KLF12: variants seen among roughly 807,000 people sequenced by gnomAD.
KLF12 encodes KLF transcription factor 12, also known as Krueppel-like factor 12.
A neutral mutation model predicts 37.8 loss-of-function variants in KLF12; 9 were observed. The observed-to-expected ratio is 0.24, with a 90% CI of 0.14 to 0.42. The LOEUF is 0.42. Among genes scored for constraint, KLF12 ranks in the 10% least tolerant of loss-of-function variants. KLF12 has a pLI of 1.00. For synonymous variants in KLF12, 208 were observed against 202.1 expected, an observed-to-expected ratio of 1.03 and a Z score of -0.25; for missense variants, 411 against 516.0, an observed-to-expected ratio of 0.80 and a Z score of 1.97.
rs900613860 is a variant in KLF12 at position 73,688,845 on chromosome 13, G to A, written c.*6645C>T. The A allele has an allele frequency of 1.3e-5, 2 of 152,230 alleles. No individual in the cohort carries two copies. Among genetic ancestry groups the A allele is most frequent in the South Asian group, 4.2e-4 (2 of 4,816 alleles). The allele number at this position is 152,230 out of a possible 1,614,324, so 9.4% of individuals were successfully genotyped here. On this transcript the variant is annotated 3_prime_UTR_variant, in exon 8 of 8. Coordinates refer to ENST00000377669, the MANE Select transcript of KLF12 (RefSeq NM_007249.5). The stretch of plus-strand genomic sequence containing the variant: ...GGGAAGGTGGTTTCGGGACACCCAC[G>A]TGCAGTGTGGTGGAGTGGGAAAGAT...
chr13:74,090,622 G>GA (rs1875595446), intron 1 of KLF12, among the ~76,000 whole-genome samples: 2 of 152,080 alleles, frequency 1.3e-5, no homozygotes, highest in Admixed American at 6.5e-5. Context: ...AATTTTCCAT[G>GA]TGCTTAGTTG....
chr13:74,096,190 A>G (rs182475948), intron 1 of KLF12, among the ~76,000 whole-genome samples: 230 of 152,316 alleles, frequency 1.5e-3, no homozygotes, highest in Non-Finnish European at 2.4e-3. Flanking sequence ...CTGATACTGA[A>G]AAGTACCAAG....
At chr13:74,041,547 G>A (rs1435852646) in intron 1 of KLF12, among the ~76,000 whole-genome samples, 4 of 152,090 alleles carry the variant, frequency 2.6e-5, no homozygotes, top group East Asian at 1.9e-4. Context: ...TAAGTGGGAG[G>A]ATGGGGGCTT....
At chr13:74,180,299 C>T in the KLF12 span, among the ~76,000 whole-genome samples, 5 of 152,294 alleles carry the variant, frequency 3.3e-5, no homozygotes, top group African/African-American at 1.2e-4. Flanking sequence ...CTTGGTCTGA[C>T]AGTTAATCAA....
rs1874016946 is a variant in KLF12 at position 73,694,750 on chromosome 13, C to T, written c.*740G>A. 1 of 152,690 alleles carries T rather than the reference C, an allele frequency of 6.5e-6. No homozygotes were observed. The highest frequency in any genetic ancestry group is 1.5e-5 in the Non-Finnish European group (1 of 68,064). 9.5% of individuals were successfully genotyped at this position (152,690 alleles called of 1,614,324 possible). On this transcript the variant is annotated 3_prime_UTR_variant, in exon 8 of 8. Coordinates refer to ENST00000377669, the MANE Select transcript of KLF12 (RefSeq NM_007249.5). ...AGAACACCTCTGTGCCAGTCCATGCCAGGGCAGAGACCAGGACGAGACTTC... is the reference window on the plus strand; with the variant it reads ...AGAACACCTCTGTGCCAGTCCATGCTAGGGCAGAGACCAGGACGAGACTTC...
upstream of KLF12, among the ~76,000 whole-genome samples, chr13:74,135,005 G>A (rs965411847): frequency 6.6e-6 from 1 of 151,580 alleles, no homozygotes; most frequent in Non-Finnish European, 1.5e-5. Flanking sequence ...CCCGCGCCGG[G>A]CAACAATGGG....
the KLF12 span, among the ~76,000 whole-genome samples, chr13:74,286,997 A>G: frequency 4.8e-4 from 73 of 152,322 alleles, no homozygotes; most frequent in African/African-American, 1.2e-3. Flanking sequence ...TATTTCACAT[A>G]TAGCCTCTCA....
chr13:74,237,814 G>C, the KLF12 span, among the ~76,000 whole-genome samples: 1 of 152,264 alleles, frequency 6.6e-6, no homozygotes, highest in African/African-American at 2.4e-5. Flanking sequence ...TGCTGAAGTT[G>C]CTTATCAGCT....
intron 3 of KLF12, among the ~76,000 whole-genome samples, chr13:73,916,308 T>C (rs1007735605): frequency 6.6e-6 from 1 of 152,086 alleles, no homozygotes; most frequent in African/African-American, 2.4e-5. Context: ...GCTGACACTT[T>C]GAATAGTTAT....
chr13:74,014,362 A>C (rs1892634961), intron 1 of KLF12, among the ~76,000 whole-genome samples: 2 of 152,186 alleles, frequency 1.3e-5, no homozygotes, highest in African/African-American at 2.4e-5. Flanking sequence ...TAAAACATTA[A>C]AACAGCCATT....
the KLF12 span, among the ~76,000 whole-genome samples, chr13:74,214,578 C>A: frequency 3.8e-4 from 58 of 151,884 alleles, no homozygotes; most frequent in Non-Finnish European, 5.1e-4. Context: ...AATGTGAAGG[C>A]GTTGCATTAT....
At chr13:73,781,626 G>A (rs1458247079) in intron 5 of KLF12, among the ~76,000 whole-genome samples, 1 of 152,150 alleles carries the variant, frequency 6.6e-6, no homozygotes, top group Non-Finnish European at 1.5e-5. Context: ...GCTGGGTCTG[G>A]AAATTACCCA....
chr13:73,826,740 A>G (rs1236580405), intron 4 of KLF12, among the ~76,000 whole-genome samples: 1 of 151,260 alleles, frequency 6.6e-6, no homozygotes, highest in East Asian at 1.9e-4. Flanking sequence ...TCTTTTTAAA[A>G]TGGCATATAA....
At chr13:73,821,410 A>G (rs910901334) in intron 4 of KLF12, among the ~76,000 whole-genome samples, 1 of 152,156 alleles carries the variant, frequency 6.6e-6, no homozygotes, top group East Asian at 1.9e-4. Context: ...CACAAGTCCT[A>G]TTCTTTCTCC....
chr13:74,004,272 C>T (rs1006739989), intron 1 of KLF12, among the ~76,000 whole-genome samples: 4 of 152,118 alleles, frequency 2.6e-5, no homozygotes, highest in African/African-American at 7.2e-5. Context: ...TGACAGCAGT[C>T]CTGGCATCAG....
At chr13:74,050,838 C>A (rs1438589340) in intron 1 of KLF12, among the ~76,000 whole-genome samples, 7 of 151,882 alleles carry the variant, frequency 4.6e-5, no homozygotes, top group Non-Finnish European at 8.8e-5. Context: ...GAGTTAATAT[C>A]CAAAATATAA....
chr13:74,220,329 GTTAA>G, the KLF12 span, among the ~76,000 whole-genome samples: 5 of 152,248 alleles, frequency 3.3e-5, no homozygotes, highest in African/African-American at 1.2e-4. Flanking sequence ...TCCCAAAGCT[GTTAA>G]GAGGATGCTT....
the KLF12 span, among the ~76,000 whole-genome samples, chr13:74,181,435 C>T: frequency 6.7e-6 from 1 of 149,856 alleles, no homozygotes; most frequent in Non-Finnish European, 1.5e-5. Context: ...GTAATCCCAA[C>T]ACTTTGGGAG....
chr13:73,934,283 C>T (rs1889823072), intron 3 of KLF12, among the ~76,000 whole-genome samples: 1 of 152,090 alleles, frequency 6.6e-6, no homozygotes, highest in African/African-American at 2.4e-5. Context: ...ACTTACTGAC[C>T]TACCTTCAAA....
Sources: gnomAD v4.1 joint callset for allele counts (sites outside exome capture counted in the v4.1 genomes callset) on GRCh38, gnomAD v4.1.1 for gene constraint, MANE v1.5 for transcripts, NCBI Gene and HGNC (gene_info 2026-07-23, HGNC 2026-07-21) for gene names.